CYP4X1: variants seen among roughly 807,000 people sequenced by gnomAD.
CYP4X1 encodes cytochrome P450 family 4 subfamily X member 1, also known as cytochrome P450 4X1.
In CYP4X1, 44 loss-of-function variants were observed where a neutral mutation model predicts 57.9. The ratio of observed to expected loss-of-function variants is 0.76; its 90% CI spans 0.60 to 0.98. The LOEUF is 0.98. Ranked by LOEUF, CYP4X1 falls within the 50% of genes least tolerant of loss-of-function variation. The pLI, the probability that CYP4X1 is intolerant of heterozygous loss-of-function variation, is 0.00. For synonymous variants in CYP4X1, 227 were observed against 228.6 expected (o/e 0.99, Z 0.06); for missense variants, 532 against 623.9 (o/e 0.85, Z 1.57).
the CYP4X1 span, among the ~76,000 whole-genome samples, chr1:46,984,774 T>C: frequency 6.6e-6 from 1 of 152,092 alleles, no homozygotes; most frequent in Non-Finnish European, 1.5e-5. Flanking sequence ...AGCACAAAAG[T>C]GGGTGGACAT....
chr1:47,043,117 CTAT>C (rs1399045324), intron 8 of CYP4X1, among the ~76,000 whole-genome samples: 4 of 152,096 alleles, frequency 2.6e-5, no homozygotes, highest in Non-Finnish European at 5.9e-5. Flanking sequence ...ACACCATCAT[CTAT>C]TATTATTTGA....
chr1:47,054,329 G>A (rs1357834647), downstream of CYP4X1, among the ~76,000 whole-genome samples: 1 of 152,168 alleles, frequency 6.6e-6, no homozygotes, highest in Non-Finnish European at 1.5e-5. Context: ...TAGCCTTGTA[G>A]TATAGTCTGA....
At chr1:47,003,939 T>A in the CYP4X1 span, among the ~76,000 whole-genome samples, 1 of 152,140 alleles carries the variant, frequency 6.6e-6, no homozygotes, top group Non-Finnish European at 1.5e-5. Context: ...TAGCTAACAG[T>A]CTCAACTTGA....
the CYP4X1 span, among the ~76,000 whole-genome samples, chr1:46,989,878 C>T: frequency 2.2e-4 from 34 of 152,196 alleles, no homozygotes; most frequent in African/African-American, 6.8e-4. Flanking sequence ...CCCTTCCTTA[C>T]ACTTTATACA....
At chr1:46,991,303 TG>T in the CYP4X1 span, among the ~76,000 whole-genome samples, 4 of 152,176 alleles carry the variant, frequency 2.6e-5, no homozygotes, top group Non-Finnish European at 5.9e-5. Context: ...GTTGACATCA[TG>T]GATTTGTAGT....
chr1:47,040,811 T>C (rs1644238263), intron 8 of CYP4X1, among the ~76,000 whole-genome samples: 1 of 152,136 alleles, frequency 6.6e-6, no homozygotes, highest in Non-Finnish European at 1.5e-5. Flanking sequence ...TAAGGACATT[T>C]AAAATCTACC....
rs1031154053 is a variant in CYP4X1, at chr1:47,024,000, TGGGAGGGAGGA to T, written c.177+13_177+23del. 2.5e-6 allele frequency: 4 copies of T among 1,609,906 alleles called. No individual in the cohort carries two copies. In the African/African-American group the frequency reaches 5.4e-5, roughly 22 times the overall value. ...GGTTCCTTGGGCACCAGAAGGTAGA[TGGGAGGGAGGA>T]GGGAGGAAGGAGGAGGGAGGGGCGG... On this transcript the variant is annotated splice_region_variant and intron_variant, in intron 1 of 11. Transcript: ENST00000371901.
chr1:46,974,252 CT>C, the CYP4X1 span, among the ~76,000 whole-genome samples: 3 of 152,112 alleles, frequency 2.0e-5, no homozygotes, highest in Admixed American at 1.3e-4. Context: ...GTATTCACTT[CT>C]ATTTTTCTTG....
intron 8 of CYP4X1, among the ~76,000 whole-genome samples, chr1:47,043,111 C>T (rs1324990009): frequency 6.6e-6 from 1 of 152,106 alleles, no homozygotes; most frequent in East Asian, 1.9e-4. Context: ...GTATCCACAC[C>T]ATCATCTATT....
At chr1:46,979,811 G>A in the CYP4X1 span, among the ~76,000 whole-genome samples, 788 of 152,182 alleles carry the variant, frequency 5.2e-3, 11 homozygotes, top group East Asian at 0.054. Context: ...TGGAATGCAA[G>A]GCTGGTTGAA....
chr1:46,963,820 A>C, the CYP4X1 span, among the ~76,000 whole-genome samples: 3 of 152,148 alleles, frequency 2.0e-5, no homozygotes, highest in Non-Finnish European at 4.4e-5. Flanking sequence ...GTTCTCCTGG[A>C]TAATATCCTG....
chr1:46,965,106 G>C, the CYP4X1 span, among the ~76,000 whole-genome samples: 1 of 152,148 alleles, frequency 6.6e-6, no homozygotes, highest in Non-Finnish European at 1.5e-5. Context: ...TATTAGGGTG[G>C]GAGTGACCCA....
chr1:47,033,227 T>A lies in CYP4X1; in HGVS notation c.365-14T>A, dbSNP rs1644142268. ...ATTAAATGGCATAAGGTTTTCTGCC[T>A]TTTATTTCTCAAGGAAAAGGACTAG... On this transcript the variant is annotated splice_polypyrimidine_tract_variant and intron_variant, in intron 3 of 11. Coordinates refer to ENST00000371901, the MANE Select transcript of CYP4X1 (RefSeq NM_178033.2). The A allele has an allele frequency of 1.2e-6, 2 of 1,609,994 alleles. No homozygotes were observed. Among genetic ancestry groups the A allele is most frequent in the African/African-American group, 2.7e-5 (2 of 74,702 alleles).
chr1:47,022,750 G>A (rs1258507959), upstream of CYP4X1, among the ~76,000 whole-genome samples: 2 of 152,126 alleles, frequency 1.3e-5, no homozygotes, highest in Non-Finnish European at 2.9e-5. Context: ...ATTGTTCAGA[G>A]CTGTCAATGA....
chr1:47,001,942 G>A, the CYP4X1 span, among the ~76,000 whole-genome samples: 7,765 of 152,234 alleles, frequency 0.051, 556 homozygotes, highest in African/African-American at 0.16. Context: ...CTTCTGCATC[G>A]TCAAGGCTAA....
At chr1:47,035,120 G>A (rs112915952) in intron 4 of CYP4X1, among the ~76,000 whole-genome samples, 35 of 150,536 alleles carry the variant, frequency 2.3e-4, no homozygotes, top group African/African-American at 4.9e-4. Flanking sequence ...CCTATCGGTC[G>A]ACCTGAACTT....
chr1:46,996,500 A>G, the CYP4X1 span, among the ~76,000 whole-genome samples: 4 of 152,202 alleles, frequency 2.6e-5, no homozygotes, highest in Non-Finnish European at 5.9e-5. Context: ...GTGAATGGCA[A>G]AACTTGGGGC....
At chr1:46,980,259 G>T in the CYP4X1 span, among the ~76,000 whole-genome samples, 1 of 152,176 alleles carries the variant, frequency 6.6e-6, no homozygotes, top group East Asian at 1.9e-4. Context: ...TCCTTAAGCT[G>T]ATAAGTAACT....
At chr1:47,026,038 A>G (rs769619396) in intron 1 of CYP4X1, among the ~76,000 whole-genome samples, 5 of 152,202 alleles carry the variant, frequency 3.3e-5, no homozygotes, top group African/African-American at 9.7e-5. Context: ...CTATATGTCT[A>G]TCCTAACTCA....
Sources: gnomAD v4.1 joint callset for allele counts (sites outside exome capture counted in the v4.1 genomes callset) on GRCh38, gnomAD v4.1.1 for gene constraint, MANE v1.5 for transcripts, NCBI Gene and HGNC (gene_info 2026-07-23, HGNC 2026-07-21) for gene names.